Variants in RFTN1 observed in about 807,000 individuals in gnomAD.
The protein encoded by RFTN1 is raftlin, lipid raft linker 1, also known as raftlin.
Under a neutral mutation model 46.5 loss-of-function variants are expected in RFTN1, and 26 were observed. The observed-to-expected ratio is 0.56, with a 90% CI of 0.41 to 0.78. The LOEUF is 0.78. RFTN1 is among the 30% of genes least tolerant of loss of function. The pLI, the probability that RFTN1 is intolerant of heterozygous loss-of-function variation, is 0.00. For synonymous variants in RFTN1, 261 were observed against 284.2 expected (o/e 0.92, Z 0.82); for missense variants, 693 against 718.7 (o/e 0.96, Z 0.41).
chr3:16,391,636 A>AT (rs1433507019), intron 4 of RFTN1, among the ~76,000 whole-genome samples: 1 of 152,212 alleles, frequency 6.6e-6, no homozygotes, highest in Non-Finnish European at 1.5e-5. Context: ...AAACACTGCC[A>AT]TAGTGGATGA....
chr3:16,399,502 G>A (rs1218034751), intron 4 of RFTN1, among the ~76,000 whole-genome samples: 2 of 152,120 alleles, frequency 1.3e-5, no homozygotes, highest in East Asian at 1.9e-4. Flanking sequence ...CTCCTCCATC[G>A]CTGAAATGCC....
At chr3:16,373,954 G>A (rs1254925858) in intron 5 of RFTN1, among the ~76,000 whole-genome samples, 1 of 152,226 alleles carries the variant, frequency 6.6e-6, no homozygotes, top group Non-Finnish European at 1.5e-5. Context: ...GCTTCGCTAA[G>A]GCTTGGGTAC....
chr3:16,433,185 T>TTTTA lies in RFTN1; in HGVS notation c.332+665_332+666insTAAA, dbSNP rs3054563. ...TCCCATCCTCACTGTTTTTTTTTTT[T>TTTTA]AAAAAAATTAATATTGTTCCTTTTG... On this transcript the variant is annotated intron_variant, in intron 3 of 9. Coordinates refer to ENST00000334133, the MANE Select transcript of RFTN1 (RefSeq NM_015150.2). The surrounding 1 kb of genome is among the most constrained non-coding windows in gnomAD (Gnocchi z 4.4). 4.4e-3 allele frequency among the ~76,000 whole-genome samples: 664 copies of TTTTA among 150,242 alleles called. 3 individuals carry two copies. The highest frequency in any genetic ancestry group is 0.031 in the East Asian group (158 of 5,150).
chr3:16,335,742 A>G lies in RFTN1; in HGVS notation c.1147-8866T>C. Among the ~76,000 whole-genome samples, 1 of 151,942 alleles carries G rather than the reference A, an allele frequency of 6.6e-6. No individual in the cohort carries two copies. The highest frequency in any genetic ancestry group is 1.5e-5 in the Non-Finnish European group (1 of 67,990). ...ATGGCACACGTTTACCTATGTAACA[A>G]GCCTGCATATCCTGCACTTGCACCC... On this transcript the variant is annotated intron_variant, in intron 7 of 9. Transcript: ENST00000334133. The surrounding 1 kb of genome is among the most constrained non-coding windows in gnomAD (Gnocchi z 4.7).
Position 16,374,814 on chromosome 3 carries a change from A to T in RFTN1, c.826+2904T>A, listed in dbSNP as rs1318736074. Among the ~76,000 whole-genome samples the T allele has an allele frequency of 1.3e-5, 2 of 152,160 alleles. No homozygotes were observed. Among genetic ancestry groups the T allele is most frequent in the East Asian group, 3.9e-4 (2 of 5,184 alleles). ...AACCAAAAGGAAATTCCCCCAGACC[A>T]GGAAATAAGTCAGCGAGCAGGAAGA... On this transcript the variant is annotated intron_variant, in intron 5 of 9. Coordinates refer to ENST00000334133, the MANE Select transcript of RFTN1 (RefSeq NM_015150.2). This position sits in a 1 kb window ranked among gnomAD's most constrained non-coding sequence, Gnocchi z 5.4.
intron 1 of RFTN1, among the ~76,000 whole-genome samples, chr3:16,511,938 T>C (rs1050939622): frequency 2.6e-5 from 4 of 152,058 alleles, no homozygotes; most frequent in African/African-American, 4.8e-5. Context: ...TGACTTGATA[T>C]ACAAATGCAG....
chr3:16,470,230 G>GCACA (rs200435969), intron 2 of RFTN1, among the ~76,000 whole-genome samples: 7,983 of 148,868 alleles, frequency 0.054, 246 homozygotes, highest in Middle Eastern at 0.073. Flanking sequence ...CTGCACACAC[G>GCACA]CACACACACA....
chr3:16,432,826 GTAA>G (rs2075419221), intron 3 of RFTN1, among the ~76,000 whole-genome samples: 1 of 152,170 alleles, frequency 6.6e-6, no homozygotes, highest in African/African-American at 2.4e-5. Flanking sequence ...GTGTGTTGAC[GTAA>G]TGTGTGTTGA....
At chr3:16,323,622 T>G (rs2069338012) in intron 8 of RFTN1, among the ~76,000 whole-genome samples, 165 bp from the exon 9 acceptor site, 1 of 152,156 alleles carries the variant, frequency 6.6e-6, no homozygotes, top group South Asian at 2.1e-4. Context: ...CCATCCAACC[T>G]TGCTTCCGAG....
At chr3:16,397,069 G>GAAAA (rs11290510) in intron 4 of RFTN1, among the ~76,000 whole-genome samples, 4 of 117,124 alleles carry the variant, frequency 3.4e-5, no homozygotes, top group African/African-American at 3.1e-5. Flanking sequence ...GTCTCAAAAT[G>GAAAA]AAAAAAAAAA....
At chr3:16,437,021 C>T (rs1052438779) in intron 2 of RFTN1, among the ~76,000 whole-genome samples, 1 of 152,138 alleles carries the variant, frequency 6.6e-6, no homozygotes, top group African/African-American at 2.4e-5. Context: ...AATATTTTCA[C>T]CATGCTACAA....
At chr3:16,417,848 C>T (rs2075112309) in intron 3 of RFTN1, among the ~76,000 whole-genome samples, 1 of 152,214 alleles carries the variant, frequency 6.6e-6, no homozygotes, top group South Asian at 2.1e-4. Context: ...GCTGGGACTA[C>T]AGGCGTGTAC....
chr3:16,342,546 G>T lies in RFTN1; in HGVS notation c.1146+15386C>A, dbSNP rs1047502851. ...ATGTTTTCATTTCTCTTAAATATAG[G>T]GGTGGAATTGCTGGGTCATATGGTA... On this transcript the variant is annotated intron_variant, in intron 7 of 9. Coordinates refer to ENST00000334133, the MANE Select transcript of RFTN1 (RefSeq NM_015150.2). The surrounding 1 kb of genome is among the most constrained non-coding windows in gnomAD (Gnocchi z 4.0). Among the ~76,000 whole-genome samples the T allele has an allele frequency of 2.0e-5, 3 of 152,064 alleles. No homozygotes were observed. Among genetic ancestry groups the T allele is most frequent in the African/African-American group, 7.2e-5 (3 of 41,384 alleles).
chr3:16,462,295 C>T (rs1299417909), intron 2 of RFTN1, among the ~76,000 whole-genome samples: 1 of 152,194 alleles, frequency 6.6e-6, no homozygotes, highest in Non-Finnish European at 1.5e-5. Context: ...TTGTTAAGCC[C>T]GTACTATTAT....
intron 4 of RFTN1, among the ~76,000 whole-genome samples, 153 bp from the exon 5 acceptor site, chr3:16,378,255 G>C (rs543094163): frequency 6.6e-6 from 1 of 152,348 alleles, no homozygotes; most frequent in South Asian, 2.1e-4. Flanking sequence ...GTCCTCAGGG[G>C]CACCTGCCCC....
At position 16,341,891 on chromosome 3, in the gene RFTN1, T is replaced by C. The variant is rs76144803; in HGVS notation, c.1147-15015A>G. ...TTTGTAAAAAATATGCAAATATAGA[T>C]AGAATATACACAGGAAGGATTATCC... On this transcript the variant is annotated intron_variant, in intron 7 of 9. Coordinates refer to ENST00000334133, the MANE Select transcript of RFTN1 (RefSeq NM_015150.2). The surrounding 1 kb of genome is among the most constrained non-coding windows in gnomAD (Gnocchi z 4.7). Among the ~76,000 whole-genome samples the C allele has an allele frequency of 0.046, 6,942 of 152,250 alleles. 178 individuals carry two copies. The highest frequency in any genetic ancestry group is 0.085 in the Middle Eastern group (25 of 294).
In RFTN1 at chr3:16,380,569, G is replaced by A. The variant is rs758949939; in HGVS notation, c.442-2467C>T. 3.3e-5 allele frequency among the ~76,000 whole-genome samples: 5 copies of A among 152,148 alleles called. No homozygotes were observed. The highest frequency in any genetic ancestry group is 5.9e-5 in the Non-Finnish European group (4 of 68,032). On this transcript the variant is annotated intron_variant, in intron 4 of 9. Coordinates refer to ENST00000334133, the MANE Select transcript of RFTN1 (RefSeq NM_015150.2). The surrounding 1 kb of genome is among the most constrained non-coding windows in gnomAD (Gnocchi z 4.8). ...CTGCAAATTTATCCTCTAGGCCAGG[G>A]GTTCTCAAAGTGTGGGCCCCAGACC...
Position 16,433,803 on chromosome 3 carries a change from T to C in RFTN1, c.332+48A>G. On this transcript the variant is annotated intron_variant, in intron 3 of 9. Coordinates refer to ENST00000334133, the MANE Select transcript of RFTN1 (RefSeq NM_015150.2). This position sits in a 1 kb window ranked among gnomAD's most constrained non-coding sequence, Gnocchi z 4.4. ...CTCACTTCCCCTCCTCTATTGAGCA[T>C]AACTTAGCCGCAACAGGATGCTACC... 6.3e-7 allele frequency: 1 copy of C among 1,591,260 alleles called. No individual in the cohort carries two copies. Among genetic ancestry groups the C allele is most frequent in the Non-Finnish European group, 8.6e-7 (1 of 1,159,574 alleles).
rs536567463 is a variant in RFTN1, at chr3:16,327,633, C to T, written c.1147-757G>A. On this transcript the variant is annotated intron_variant, in intron 7 of 9. Transcript: ENST00000334133. This position sits in a 1 kb window ranked among gnomAD's most constrained non-coding sequence, Gnocchi z 4.2. ...AAAATTAGCCAGGCCTGGTGGCGGG[C>T]GCCTGTAGTCCCAGCTACTCGGGAG... is the stretch of plus-strand genomic sequence containing the variant. Among the ~76,000 whole-genome samples the T allele has an allele frequency of 4.6e-5, 7 of 152,046 alleles. No homozygotes were observed. Among genetic ancestry groups the T allele is most frequent in the South Asian group, 2.1e-4 (1 of 4,810 alleles).
Sources: gnomAD v4.1 joint callset for allele counts (sites outside exome capture counted in the v4.1 genomes callset) on GRCh38, gnomAD v4.1.1 for gene constraint, Gnocchi (gnomAD v3.1) non-coding constraint, MANE v1.5 for transcripts, NCBI Gene and HGNC (gene_info 2026-07-23, HGNC 2026-07-21) for gene names.